Variants in PPP2R2B observed in about 807,000 individuals in gnomAD.
The protein encoded by PPP2R2B is serine/threonine-protein phosphatase 2A 55 kDa regulatory subunit B beta isoform.
PPP2R2B carries 5 observed loss-of-function variants against 46.0 expected under a neutral mutation model. That is an observed-to-expected ratio of 0.11 (90% confidence interval 0.06 to 0.23). The LOEUF is 0.23. PPP2R2B is among the 10% of genes least tolerant of loss of function. PPP2R2B has a pLI of 1.00. For missense variants in PPP2R2B, 367 were observed against 575.0 expected, an observed-to-expected ratio of 0.64 and a Z score of 3.70; for synonymous variants, 215 against 206.7, an observed-to-expected ratio of 1.04 and a Z score of -0.34.
intron 2 of PPP2R2B, among the ~76,000 whole-genome samples, chr5:146,848,109 C>G (rs1314988476): frequency 6.6e-6 from 1 of 151,722 alleles, no homozygotes; most frequent in Non-Finnish European, 1.5e-5. Context: ...ACTGGCTCCC[C>G]CTACTAGACT....
chr5:146,594,495 A>G (rs1319423225), intron 8 of PPP2R2B, among the ~76,000 whole-genome samples: 1 of 152,228 alleles, frequency 6.6e-6, no homozygotes, highest in Non-Finnish European at 1.5e-5. Context: ...CGGAGTGGCA[A>G]TAATAACGGG....
chr5:146,961,441 C>G (rs1480970706), intron 1 of PPP2R2B, among the ~76,000 whole-genome samples: 3 of 152,156 alleles, frequency 2.0e-5, no homozygotes, highest in South Asian at 2.1e-4. Flanking sequence ...CTATTTTGCT[C>G]TATCTGTAAC....
intron 5 of PPP2R2B, among the ~76,000 whole-genome samples, chr5:146,651,788 A>G (rs538675147): frequency 1.6e-4 from 24 of 152,342 alleles, no homozygotes; most frequent in African/African-American, 5.5e-4. Flanking sequence ...TAAGACTTCA[A>G]CTTCTGGATT....
intron 2 of PPP2R2B, among the ~76,000 whole-genome samples, chr5:146,748,416 C>T (rs555505588): frequency 5.3e-5 from 8 of 152,296 alleles, no homozygotes; most frequent in African/African-American, 1.7e-4. Context: ...GACATTGATA[C>T]AGTGGAGATA....
At chr5:146,647,226 C>T (rs1479502548) in intron 6 of PPP2R2B, among the ~76,000 whole-genome samples, 3 of 9,650 alleles carry the variant, frequency 3.1e-4, no homozygotes, top group Non-Finnish European at 1.1e-3. Context: ...TTCACTATTG[C>T]TTAGAAGCAC....
intron 1 of PPP2R2B, among the ~76,000 whole-genome samples, chr5:146,916,631 CATCT>C (rs1403818330): frequency 6.6e-6 from 1 of 152,092 alleles, no homozygotes; most frequent in Non-Finnish European, 1.5e-5. Flanking sequence ...TTCCCTCATC[CATCT>C]GAGTGAGTCC....
At chr5:146,691,328 G>A in intron 4 of PPP2R2B, 88 bp from the exon 5 acceptor site, 1 of 998,596 alleles carries the variant, frequency 1.0e-6, no homozygotes, top group Non-Finnish European at 1.5e-6. Flanking sequence ...GAGAGGAAGA[G>A]GTAAGGATGG....
At chr5:146,771,484 G>A (rs1056467559) in intron 2 of PPP2R2B, among the ~76,000 whole-genome samples, 1 of 152,174 alleles carries the variant, frequency 6.6e-6, no homozygotes, top group Non-Finnish European at 1.5e-5. Context: ...CTAAAATTCA[G>A]TAAAATATGA....
chr5:146,608,033 T>C (rs1038234482), intron 7 of PPP2R2B, among the ~76,000 whole-genome samples: 2 of 152,226 alleles, frequency 1.3e-5, no homozygotes, highest in African/African-American at 4.8e-5. Flanking sequence ...TATTTGAAAA[T>C]GTAAAAATAC....
intron 2 of PPP2R2B, among the ~76,000 whole-genome samples, chr5:146,827,411 G>C (rs1445272928): frequency 1.3e-5 from 2 of 148,806 alleles, no homozygotes; most frequent in East Asian, 4.1e-4. Flanking sequence ...CGAATAAAAG[G>C]GAAAGAGCAC....
chr5:146,622,067 C>G (rs568348521), intron 7 of PPP2R2B, among the ~76,000 whole-genome samples: 1 of 152,284 alleles, frequency 6.6e-6, no homozygotes, highest in African/African-American at 2.4e-5. Flanking sequence ...TACATGGCTT[C>G]CCTGGCTACC....
chr5:146,940,251 C>T (rs1275166737), intron 1 of PPP2R2B, among the ~76,000 whole-genome samples: 1 of 152,182 alleles, frequency 6.6e-6, no homozygotes, highest in Non-Finnish European at 1.5e-5. Context: ...GAGCCCTGCC[C>T]TCCTGGCTGC....
chr5:146,801,565 A>T (rs1756867275), intron 2 of PPP2R2B, among the ~76,000 whole-genome samples: 1 of 152,192 alleles, frequency 6.6e-6, no homozygotes, highest in Admixed American at 6.5e-5. Context: ...ATCAGTAAAT[A>T]CAGTTCATGC....
intron 7 of PPP2R2B, among the ~76,000 whole-genome samples, chr5:146,604,347 C>G (rs1169371736): frequency 6.6e-6 from 1 of 152,166 alleles, no homozygotes; most frequent in Non-Finnish European, 1.5e-5. Context: ...AGTGATAGAA[C>G]TTAGGACAAA....
chr5:146,854,866 G>A (rs984052994), intron 2 of PPP2R2B, among the ~76,000 whole-genome samples: 6 of 152,118 alleles, frequency 3.9e-5, no homozygotes, highest in South Asian at 4.1e-4. Flanking sequence ...TATTCTTCAC[G>A]ACAAGCTCTT....
intron 2 of PPP2R2B, among the ~76,000 whole-genome samples, chr5:146,791,419 A>ACGTGTG (rs1263334131): frequency 1.3e-5 from 2 of 151,830 alleles, no homozygotes; most frequent in African/African-American, 4.8e-5. Context: ...TGGTGTGTGC[A>ACGTGTG]CGTGTGCGTG....
At chr5:147,071,273 C>A (rs1264563284) in intron 2 of PPP2R2B, among the ~76,000 whole-genome samples, 1 of 152,048 alleles carries the variant, frequency 6.6e-6, no homozygotes, top group Non-Finnish European at 1.5e-5. Context: ...TCTGGGGGCT[C>A]CCTGCCTCAT....
At chr5:147,031,693 T>G (rs917157405) in intron 1 of PPP2R2B, among the ~76,000 whole-genome samples, 5 of 152,122 alleles carry the variant, frequency 3.3e-5, no homozygotes, top group African/African-American at 1.2e-4. Flanking sequence ...TCCTTTATAC[T>G]TAGGCACATA....
chr5:146,595,589 T>A (rs1462822603), intron 8 of PPP2R2B, among the ~76,000 whole-genome samples: 2 of 152,168 alleles, frequency 1.3e-5, no homozygotes, highest in African/African-American at 4.8e-5. Context: ...ATACCTAAGG[T>A]CTGGGTAGCT....
Sources: allele counts gnomAD v4.1 joint callset (sites outside exome capture counted in the v4.1 genomes callset), GRCh38; gene constraint gnomAD v4.1.1; transcripts MANE v1.5; gene names NCBI Gene and HGNC (gene_info 2026-07-23, HGNC 2026-07-21).